GC: variants seen among roughly 807,000 people sequenced by gnomAD.
GC encodes GC vitamin D binding protein, also known as vitamin D-binding protein.
In GC, 43 loss-of-function variants were observed where a neutral mutation model predicts 56.7. The ratio of observed to expected loss-of-function variants is 0.76; its 90% CI spans 0.59 to 0.98. GC has a LOEUF of 0.98. Among genes scored for constraint, GC ranks in the 50% least tolerant of loss-of-function variants. GC has a pLI of 0.00. For missense variants in GC, 529 were observed against 545.9 expected, an observed-to-expected ratio of 0.97 and a Z score of 0.31; for synonymous variants, 216 against 202.7, an observed-to-expected ratio of 1.07 and a Z score of -0.56.
Position 71,763,627 on chromosome 4 carries a change from G to GTCCTTTCA in GC, c.607-126_607-125insTGAAAGGA, listed in dbSNP as rs1742057949. The stretch of plus-strand genomic sequence containing the variant: ...AATAGGAAACTGAACACTGGTGAAA[G>GTCCTTTCA]GAACTTATTGATATTACTTTTCCAG... On this transcript the variant is annotated intron_variant, in intron 5 of 12. Transcript: ENST00000273951. The GTCCTTTCA allele has an allele frequency of 3.1e-5, 23 of 750,660 alleles. No individual in the cohort carries two copies. In the South Asian group the frequency reaches 3.7e-4, roughly 12 times the overall value. 46.5% of individuals were successfully genotyped at this position (750,660 alleles called of 1,614,324 possible).
intron 10 of GC, 60 bp from the exon 11 acceptor site, chr4:71,752,710 A>G: frequency 1.5e-6 from 2 of 1,343,262 alleles, no homozygotes; most frequent in Middle Eastern, 1.8e-4. Flanking sequence ...CAAATTTCTA[A>G]TGCAAAATAA....
intron 5 of GC, 121 bp from the exon 6 acceptor site, chr4:71,763,623 GA>G: frequency 1.3e-6 from 1 of 755,316 alleles, no homozygotes; most frequent in Non-Finnish European, 2.2e-6. Context: ...GAACACTGGT[GA>G]AAGGAACTTA....
intron 6 of GC, among the ~76,000 whole-genome samples, chr4:71,762,123 G>A (rs1480422308): frequency 6.6e-6 from 1 of 152,214 alleles, no homozygotes; most frequent in Non-Finnish European, 1.5e-5. Context: ...AAGCAGCTGG[G>A]AGGGAGGCTG....
chr4:71,799,056 G>A lies in GC; in HGVS notation c.21+4870C>T, dbSNP rs551296275. On this transcript the variant is annotated intron_variant, in intron 1 of 13. Coordinates refer to the GC transcript ENST00000504199. ...TTTCATTATGCCCAAAAGAAACCCCGTAGTTCCCCCTTTTGGCATGACAGT... is the reference window on the plus strand; with the variant it reads ...TTTCATTATGCCCAAAAGAAACCCCATAGTTCCCCCTTTTGGCATGACAGT... Among the ~76,000 whole-genome samples the A allele has an allele frequency of 3.2e-4, 48 of 152,202 alleles. No individual in the cohort carries two copies. In the South Asian group the frequency reaches 7.5e-3, roughly 24 times the overall value.
At chr4:71,747,919 G>T (rs754318854) in intron 11 of GC, among the ~76,000 whole-genome samples, 9 of 152,108 alleles carry the variant, frequency 5.9e-5, no homozygotes, top group Non-Finnish European at 7.4e-5. Context: ...TACCAACCTG[G>T]TATCATTTTT....
At chr4:71,746,946 G>T (rs1481938904) in intron 11 of GC, among the ~76,000 whole-genome samples, 2 of 151,966 alleles carry the variant, frequency 1.3e-5, no homozygotes, top group African/African-American at 4.8e-5. Context: ...CAATGGACAG[G>T]CTATAAACCA....
chr4:71,744,458 CAAAAAA>C (rs35292398), intron 12 of GC, among the ~76,000 whole-genome samples: 1 of 83,738 alleles, frequency 1.2e-5, no homozygotes, highest in Non-Finnish European at 2.1e-5. Flanking sequence ...GACTCCATCT[CAAAAAA>C]AAAAAAAAAA....
At chr4:71,771,450 C>G (rs1013574103) in intron 1 of GC, among the ~76,000 whole-genome samples, 7 of 151,928 alleles carry the variant, frequency 4.6e-5, no homozygotes, top group Admixed American at 4.6e-4. Flanking sequence ...GGATACCCCC[C>G]CAAAATATTT....
intron 1 of GC, among the ~76,000 whole-genome samples, chr4:71,797,650 C>T (rs1743140009): frequency 6.6e-6 from 1 of 152,228 alleles, no homozygotes; most frequent in Non-Finnish European, 1.5e-5. Flanking sequence ...CCCCGCCCTG[C>T]TTTGGCTCGC....
At chr4:71,801,481 C>G (rs2149311494) in intron 1 of GC, among the ~76,000 whole-genome samples, 1 of 152,250 alleles carries the variant, frequency 6.6e-6, no homozygotes, top group South Asian at 2.1e-4. Context: ...GCTTGGTACA[C>G]TGAGGTCAGG....
intron 8 of GC, among the ~76,000 whole-genome samples, chr4:71,755,752 A>C (rs1331520142): frequency 6.6e-6 from 1 of 152,236 alleles, no homozygotes; most frequent in Non-Finnish European, 1.5e-5. Context: ...TGTATAAAGC[A>C]TCAAGTGGAT....
upstream of GC, chr4:71,804,128 G>C (rs1578330384): frequency 9.5e-5 from 59 of 617,916 alleles, 1 homozygote; most frequent in South Asian, 1.1e-3. Context: ...CTGTCCCACA[G>C]ACCCTGGCTG....
chr4:71,765,683 A>G lies in GC; in HGVS notation c.262-40T>C, dbSNP rs372975090. 8.6e-5 allele frequency: 108 copies of G among 1,257,236 alleles called. No homozygotes were observed. In the African/African-American group the frequency reaches 1.6e-3, roughly 19 times the overall value. 77.9% of individuals were successfully genotyped at this position (1,257,236 alleles called of 1,614,324 possible). Reference sequence around the variant, plus strand: ...AAAAGGAAACTCATATATATATGTAAATTTCCAGGCTTTTAGACTTCCATT... The same window carrying G: ...AAAAGGAAACTCATATATATATGTAGATTTCCAGGCTTTTAGACTTCCATT... On this transcript the variant is annotated intron_variant, in intron 3 of 12. Transcript: ENST00000273951.
At chr4:71,788,145 T>C (rs1742885345), upstream of GC, among the ~76,000 whole-genome samples, 1 of 151,820 alleles carries the variant, frequency 6.6e-6, no homozygotes, top group African/African-American at 2.4e-5. Flanking sequence ...CTAGAGAAAT[T>C]TATCAACCCT....
intron 5 of GC, 94 bp downstream of exon 5, chr4:71,763,710 T>C (rs1375226922): frequency 8.7e-7 from 1 of 1,145,402 alleles, no homozygotes; most frequent in Non-Finnish European, 1.3e-6. Flanking sequence ...TAGAAACTTT[T>C]ACTGATTGCA....
In GC at chr4:71,772,467, A is replaced by G. The variant is rs151297076; in HGVS notation, c.59-3067T>C. On this transcript the variant is annotated intron_variant, in intron 1 of 12. Coordinates refer to ENST00000273951, the MANE Select transcript of GC (RefSeq NM_000583.4). ...TGATTTCTCATTTCACTAAAAATGT[A>G]AAGTTTCATTTCATATATTATGGGA... 3.0e-3 allele frequency among the ~76,000 whole-genome samples: 454 copies of G among 152,326 alleles called. 5 individuals are homozygous for G. The highest frequency in any genetic ancestry group is 0.026 in the East Asian group (134 of 5,186).
At chr4:71,788,667 A>G (rs1235185825), upstream of GC, among the ~76,000 whole-genome samples, 2 of 103,486 alleles carry the variant, frequency 1.9e-5, no homozygotes, top group African/African-American at 7.0e-5. Context: ...AGAAAGAAGG[A>G]AAGAAAGAAA....
chr4:71,766,020 T>C (rs1030861147), intron 3 of GC, among the ~76,000 whole-genome samples: 1 of 152,134 alleles, frequency 6.6e-6, no homozygotes, highest in African/African-American at 2.4e-5. Flanking sequence ...TCTGTCATTA[T>C]CTCCCATCTG....
At chr4:71,747,504 C>T (rs530244909) in intron 11 of GC, among the ~76,000 whole-genome samples, 1 of 152,174 alleles carries the variant, frequency 6.6e-6, no homozygotes, top group East Asian at 1.9e-4. Flanking sequence ...TAAATTGTTT[C>T]AAGAAGGAAG....
Sources: gnomAD v4.1 joint callset for allele counts (sites outside exome capture counted in the v4.1 genomes callset) on GRCh38, gnomAD v4.1.1 for gene constraint, MANE v1.5 for transcripts, NCBI Gene and HGNC (gene_info 2026-07-23, HGNC 2026-07-21) for gene names.